SEPTIN10: variants seen among roughly 807,000 people sequenced by gnomAD.
SEPTIN10 encodes the protein septin 10.
In SEPTIN10, 66 loss-of-function variants were observed where a neutral mutation model predicts 54.8. The observed-to-expected ratio is 1.21, with a 90% CI of 0.99 to 1.48. SEPTIN10 has a LOEUF of 1.48. Among genes scored for constraint, SEPTIN10 ranks in the 40% most tolerant of loss-of-function variants. SEPTIN10 has a pLI of 0.00. For missense variants in SEPTIN10, 620 were observed against 545.6 expected, an observed-to-expected ratio of 1.14 and a Z score of -1.36; for synonymous variants, 161 against 181.0, an observed-to-expected ratio of 0.89 and a Z score of 0.89.
intron 2 of SEPTIN10, among the ~76,000 whole-genome samples, chr2:109,589,292 G>C (rs916020183): frequency 1.3e-5 from 2 of 152,078 alleles, no homozygotes; most frequent in East Asian, 3.9e-4. Flanking sequence ...CAGCACTTTA[G>C]GAGGCCAAGG....
At chr2:109,568,161 T>G (rs530534343) in intron 5 of SEPTIN10, among the ~76,000 whole-genome samples, 185 bp from the exon 6 acceptor site, 7 of 152,052 alleles carry the variant, frequency 4.6e-5, no homozygotes, top group African/African-American at 1.7e-4. Flanking sequence ...AACACTGCCA[T>G]GCCCATTTGC....
intron 1 of SEPTIN10, among the ~76,000 whole-genome samples, chr2:109,598,454 T>C (rs977562347): frequency 4.6e-5 from 7 of 152,206 alleles, no homozygotes; most frequent in Admixed American, 2.6e-4. Flanking sequence ...GTTTTTAAAC[T>C]GTCCCTTGGG....
At position 109,546,167 on chromosome 2, in the gene SEPTIN10, C is replaced by A. The variant is rs146905811; in HGVS notation, c.1232G>T (p.Arg411Ile). The change falls in exon 10 of 11, where the codon AGA becomes ATA. Residue 411 changes from arginine to isoleucine, a missense_variant. Arg to Ile is a moderately conservative substitution (Grantham distance 97). Transcript: ENST00000397712. ...EERMKLEEKR[R>I]LLEEEIIAFS... The stretch of plus-strand genomic sequence containing the variant: ...AGCAATTATTTCTTCTTCCAAAAGT[C>A]TTCTCTTTTCTTCAAGCTTCATTCT... 10 of 1,609,468 alleles carry A rather than the reference C, an allele frequency of 6.2e-6. No individual in the cohort carries two copies. Among genetic ancestry groups the A allele is most frequent in the East Asian group, 2.2e-5 (1 of 44,590 alleles).
chr2:109,613,318 G>A (rs6751785), intron 1 of SEPTIN10: 65,113 of 441,164 alleles, frequency 0.15, 5,479 homozygotes, highest in African/African-American at 0.27. Context: ...TCCCAATGGA[G>A]GAAAACTTGG....
chr2:109,556,882 A>G (rs1356105276), intron 8 of SEPTIN10, among the ~76,000 whole-genome samples: 6 of 152,202 alleles, frequency 3.9e-5, no homozygotes, highest in Non-Finnish European at 8.8e-5. Context: ...GACATGGATG[A>G]AGCTGGAAAT....
At chr2:109,562,292 C>CCCT (rs1159173815) in intron 8 of SEPTIN10, among the ~76,000 whole-genome samples, 1 of 151,438 alleles carries the variant, frequency 6.6e-6, no homozygotes, top group African/African-American at 2.4e-5. Context: ...CTGTCACTAC[C>CCCT]CCTCTCTTTC....
chr2:109,591,131 A>T (rs1416573244), intron 2 of SEPTIN10, among the ~76,000 whole-genome samples: 1 of 152,226 alleles, frequency 6.6e-6, no homozygotes, highest in East Asian at 1.9e-4. Flanking sequence ...TCATGTAAGC[A>T]TGTTATCTTC....
intron 1 of SEPTIN10, among the ~76,000 whole-genome samples, chr2:109,611,245 A>T (rs1332797072): frequency 6.6e-6 from 1 of 152,224 alleles, no homozygotes; most frequent in African/African-American, 2.4e-5. Context: ...GGAAAAAAAT[A>T]AGAGAAAATC....
intron 5 of SEPTIN10, 21 bp downstream of exon 5, chr2:109,574,560 T>C (rs995614382): frequency 2.1e-6 from 3 of 1,443,628 alleles, no homozygotes; most frequent in Admixed American, 2.5e-5. Context: ...TATGGTAAGT[T>C]GATTCCTTTC....
intron 1 of SEPTIN10, among the ~76,000 whole-genome samples, chr2:109,602,512 C>T (rs182405464): frequency 4.9e-4 from 74 of 152,032 alleles, no homozygotes; most frequent in South Asian, 1.2e-3. Context: ...CCCATCTCTA[C>T]TAAAAGTACA....
chr2:109,561,872 AG>A (rs2105074323), intron 8 of SEPTIN10, among the ~76,000 whole-genome samples: 1 of 152,230 alleles, frequency 6.6e-6, no homozygotes, highest in Non-Finnish European at 1.5e-5. Flanking sequence ...ATCCTTAGCC[AG>A]GTGTGATCCA....
intron 2 of SEPTIN10, among the ~76,000 whole-genome samples, chr2:109,590,033 T>A (rs939927452): frequency 6.8e-6 from 1 of 147,098 alleles, no homozygotes; most frequent in Admixed American, 6.8e-5. Context: ...CACACACATA[T>A]ATACACACAT....
At chr2:109,590,745 A>G (rs1307940840) in intron 2 of SEPTIN10, among the ~76,000 whole-genome samples, 1 of 152,108 alleles carries the variant, frequency 6.6e-6, no homozygotes, top group East Asian at 1.9e-4. Flanking sequence ...TAAATCCTTA[A>G]CAGGGCCTGG....
chr2:109,595,206 A>C (rs1258934973), intron 1 of SEPTIN10, among the ~76,000 whole-genome samples: 1 of 152,114 alleles, frequency 6.6e-6, no homozygotes, highest in Non-Finnish European at 1.5e-5. Context: ...TTCAAATCCT[A>C]AGTTTTTCCA....
At chr2:109,557,970 C>A (rs1466119774) in intron 8 of SEPTIN10, among the ~76,000 whole-genome samples, 1 of 150,842 alleles carries the variant, frequency 6.6e-6, no homozygotes, top group Non-Finnish European at 1.5e-5. Context: ...TTTCTGTATT[C>A]TTTGTAGAGA....
intron 1 of SEPTIN10, chr2:109,613,020 C>A: frequency 2.0e-6 from 1 of 512,002 alleles, no homozygotes; most frequent in Non-Finnish European, 3.6e-6. Flanking sequence ...ATGAAAACCA[C>A]CAATGTTTAC....
chr2:109,568,373 C>CTTT (rs5833333), intron 5 of SEPTIN10, among the ~76,000 whole-genome samples: 9 of 129,180 alleles, frequency 7.0e-5, no homozygotes, highest in African/African-American at 8.7e-5. Context: ...GCCACACAAT[C>CTTT]TTTTTTTTTT....
Position 109,543,182 on chromosome 2 carries a change from T to G in SEPTIN10, c.*1127A>C, listed in dbSNP as rs1680385228. On this transcript the variant is annotated 3_prime_UTR_variant, in exon 11 of 11. Coordinates refer to ENST00000397712, the MANE Select transcript of SEPTIN10 (RefSeq NM_144710.5). ...TATGTGCATTTTTATATCTTTAATA[T>G]TCAGATGTTCATAGTTATTTTCTTA... The G allele has an allele frequency of 6.6e-6, 1 of 152,646 alleles. No homozygotes were observed. Among genetic ancestry groups the G allele is most frequent in the Non-Finnish European group, 1.5e-5 (1 of 68,026 alleles). 9.5% of individuals were successfully genotyped at this position (152,646 alleles called of 1,614,324 possible). A position where few individuals can be genotyped will look rare whatever the true frequency, so the allele number is the denominator to read the frequency against.
chr2:109,563,845 G>A (rs1281924479), intron 8 of SEPTIN10, among the ~76,000 whole-genome samples: 15 of 152,240 alleles, frequency 9.9e-5, no homozygotes, highest in Non-Finnish European at 1.5e-5. Flanking sequence ...CTGAGGACTG[G>A]TATGGAGGCT....
Sources: allele counts gnomAD v4.1 joint callset (sites outside exome capture counted in the v4.1 genomes callset), GRCh38; gene constraint gnomAD v4.1.1; transcripts MANE v1.5; gene names NCBI Gene and HGNC (gene_info 2026-07-23, HGNC 2026-07-21).